The following DNAH11 variants were observed in gnomAD, a reference collection of about 807,000 sequenced individuals.
The protein encoded by DNAH11 is dynein axonemal heavy chain 11.
In DNAH11, 442 loss-of-function variants were observed where a neutral mutation model predicts 526.0. The ratio of observed to expected loss-of-function variants is 0.84; its 90% CI spans 0.78 to 0.91. The LOEUF (loss-of-function observed/expected upper bound fraction) is 0.91. DNAH11 is among the 40% of genes least tolerant of loss of function. The pLI, the probability that DNAH11 is intolerant of heterozygous loss-of-function variation, is 0.00. For missense variants in DNAH11, 6,989 were observed against 5,448.7 expected (o/e 1.28, Z -8.90); for synonymous variants, 2,461 against 1,935.9 (o/e 1.27, Z -7.12).
intron 8 of DNAH11, among the ~76,000 whole-genome samples, chr7:21,580,595 C>T (rs898466554): frequency 1.3e-5 from 2 of 152,184 alleles, no homozygotes; most frequent in Non-Finnish European, 2.9e-5. Context: ...AAGGCTCCCG[C>T]AGGTTCAGTG....
chr7:21,672,493 C>T (rs1236243971), intron 30 of DNAH11, among the ~76,000 whole-genome samples: 1 of 152,182 alleles, frequency 6.6e-6, no homozygotes, highest in Non-Finnish European at 1.5e-5. Context: ...TGCTGTGTTG[C>T]CTAGGCTGGT....
At chr7:21,699,564 T>G (rs1018780783) in intron 36 of DNAH11, among the ~76,000 whole-genome samples, 2 of 152,190 alleles carry the variant, frequency 1.3e-5, no homozygotes, top group Non-Finnish European at 2.9e-5. Flanking sequence ...AAATATGGAA[T>G]ATGAGAGTGA....
intron 74 of DNAH11, among the ~76,000 whole-genome samples, chr7:21,875,877 CTT>C (rs35349937): frequency 0.018 from 1,436 of 78,746 alleles, 3 homozygotes; most frequent in African/African-American, 0.023. Flanking sequence ...AAGAATATTT[CTT>C]TTTTTTTTTT....
intron 36 of DNAH11, 105 bp downstream of exon 36, chr7:21,698,318 A>G (rs1215494834): frequency 1.3e-6 from 2 of 1,483,858 alleles, no homozygotes; most frequent in East Asian, 2.4e-5. Context: ...TAGACATTAA[A>G]ATTTTTTTGT....
chr7:21,602,299 A>G (rs142451180), intron 18 of DNAH11, among the ~76,000 whole-genome samples: 2 of 152,292 alleles, frequency 1.3e-5, no homozygotes, highest in Non-Finnish European at 2.9e-5. Flanking sequence ...AGATCACACC[A>G]CTGCACTCTA....
At chr7:21,726,696 C>T (rs1379712929) in intron 45 of DNAH11, among the ~76,000 whole-genome samples, 1 of 150,194 alleles carries the variant, frequency 6.7e-6, no homozygotes, top group African/African-American at 2.4e-5. Flanking sequence ...CCCATCTCTA[C>T]TAAAAATACA....
chr7:21,763,081 C>A (rs1288100805), intron 54 of DNAH11, among the ~76,000 whole-genome samples: 1 of 152,222 alleles, frequency 6.6e-6, no homozygotes, highest in South Asian at 2.1e-4. Context: ...CGGTGGCTCA[C>A]GCCTGTAATC....
At chr7:21,630,091 A>G (rs1009539918) in intron 25 of DNAH11, among the ~76,000 whole-genome samples, 4 of 151,394 alleles carry the variant, frequency 2.6e-5, no homozygotes, top group Admixed American at 6.6e-5. Flanking sequence ...AGGTTTTTGC[A>G]TTGTGGTTAC....
intron 61 of DNAH11, among the ~76,000 whole-genome samples, chr7:21,798,714 G>C (rs1788829975): frequency 6.6e-6 from 1 of 152,198 alleles, no homozygotes; most frequent in Non-Finnish European, 1.5e-5. Flanking sequence ...GCATACAGCA[G>C]AGTTTTTCAG....
chr7:21,802,554 T>C (rs904866673), intron 62 of DNAH11, among the ~76,000 whole-genome samples: 2 of 152,152 alleles, frequency 1.3e-5, no homozygotes, highest in East Asian at 1.9e-4. Flanking sequence ...TAGCTAAGAA[T>C]AGAAACAACC....
Position 21,900,158 on chromosome 7 carries a change from TACTC to T in DNAH11, c.13303+40_13303+43del, listed in dbSNP as rs766677007. On this transcript the variant is annotated intron_variant, in intron 81 of 81. Transcript: ENST00000409508. ...AAGGGGTAAGTGGGGAACCTTTTCT[TACTC>T]AGGTTCAGATCAGTGTTTGTCCTCT... is the stretch of plus-strand genomic sequence containing the variant. The T allele has an allele frequency of 2.2e-5, 34 of 1,580,330 alleles. No individual in the cohort carries two copies. The East Asian group carries it at 2.9e-4, about 14-fold the overall frequency.
At chr7:21,830,688 A>G (rs1467054581) in intron 65 of DNAH11, among the ~76,000 whole-genome samples, 1 of 152,140 alleles carries the variant, frequency 6.6e-6, no homozygotes. Flanking sequence ...CCATAAAAAA[A>G]AAATCAGTTG....
rs1379671313 is a variant in DNAH11 at position 21,739,756 on chromosome 7, T to G, written c.7914+83T>G. On this transcript the variant is annotated intron_variant, in intron 48 of 81. Transcript: ENST00000409508. Reference sequence around the variant, plus strand: ...TACAGCTTAGGATTCCTATGGGACATCTTGTTAAGCACGTTTCTCATGGCA... The same window carrying G: ...TACAGCTTAGGATTCCTATGGGACAGCTTGTTAAGCACGTTTCTCATGGCA... 4.7e-6 allele frequency: 5 copies of G among 1,060,950 alleles called. No homozygotes were observed. The Admixed American group carries it at 9.8e-5, about 21-fold the overall frequency. 65.7% of individuals were successfully genotyped at this position (1,060,950 alleles called of 1,614,324 possible). A position where few individuals can be genotyped will look rare whatever the true frequency, so the allele number is the denominator to read the frequency against.
rs565686781 is a variant in DNAH11 at position 21,820,064 on chromosome 7, T to TC, written c.10691+1726dup. 3.2e-3 allele frequency among the ~76,000 whole-genome samples: 480 copies of TC among 152,292 alleles called. 1 individual carries two copies. The highest frequency in any genetic ancestry group is 6.4e-3 in the Admixed American group (98 of 15,288). ...ACAACCACTTGTTTGAGGGTGAATC[T>TC]CAACTCTCTATCATCAGCTGTTCCT... On this transcript the variant is annotated intron_variant, in intron 65 of 81. Transcript: ENST00000409508.
intron 66 of DNAH11, among the ~76,000 whole-genome samples, chr7:21,848,356 A>C (rs866196003): frequency 5.4e-4 from 50 of 92,944 alleles, no homozygotes; most frequent in Middle Eastern, 6.4e-3. Flanking sequence ...CTCTCTCTCT[A>C]CTTTTAATTT....
At chr7:21,606,339 AG>A in intron 18 of DNAH11, 86 bp from the exon 19 acceptor site, 1 of 1,109,820 alleles carries the variant, frequency 9.0e-7, no homozygotes, top group Admixed American at 2.8e-5. Context: ...AAAAAAAAAA[AG>A]AAAGAAATTA....
intron 35 of DNAH11, among the ~76,000 whole-genome samples, chr7:21,694,610 T>G (rs1337112214): frequency 6.6e-6 from 1 of 152,196 alleles, no homozygotes; most frequent in Non-Finnish European, 1.5e-5. Context: ...TGATGAACAT[T>G]TGGGTTGGTT....
chr7:21,854,501 A>C lies in DNAH11; in HGVS notation c.11202+46A>C, dbSNP rs117160443. On this transcript the variant is annotated intron_variant, in intron 68 of 81. Transcript: ENST00000409508. ...AAATATGGGAAACTTTAGGAGTTCA[A>C]TTTGTTTCTGGAACATTGGAATTTA... The C allele has an allele frequency of 0.044, 68,801 of 1,568,974 alleles. 2,062 individuals are homozygous for C. Among genetic ancestry groups the C allele is most frequent in the South Asian group, 0.13 (10,526 of 83,174 alleles).
chr7:21,695,781 A>T (rs868591183), intron 35 of DNAH11, among the ~76,000 whole-genome samples: 15 of 152,356 alleles, frequency 9.8e-5, no homozygotes, highest in African/African-American at 3.6e-4. Flanking sequence ...CAGCAAAAGA[A>T]ACTGTCATCA....
Sources: allele counts gnomAD v4.1 joint callset (sites outside exome capture counted in the v4.1 genomes callset), GRCh38; gene constraint gnomAD v4.1.1; transcripts MANE v1.5; gene names NCBI Gene and HGNC (gene_info 2026-07-23, HGNC 2026-07-21).